The following MARCHF1 variants were observed in gnomAD, a reference collection of about 807,000 sequenced individuals.
MARCHF1 encodes the protein membrane associated ring-CH-type finger 1, also known as E3 ubiquitin-protein ligase MARCHF1.
MARCHF1 carries 40 observed loss-of-function variants against 54.2 expected under a neutral mutation model. The observed-to-expected ratio is 0.74, with a 90% CI of 0.57 to 0.96. The LOEUF (loss-of-function observed/expected upper bound fraction) is 0.96. Ranked by LOEUF, MARCHF1 falls within the 40% of genes least tolerant of loss-of-function variation. The pLI is 0.00. For missense variants in MARCHF1, 586 were observed against 656.5 expected (o/e 0.89, Z 1.17); for synonymous variants, 236 against 236.3 (o/e 1.00, Z 0.01).
At chr4:163,811,210 T>C (rs1201372656) in intron 4 of MARCHF1, among the ~76,000 whole-genome samples, 3 of 152,198 alleles carry the variant, frequency 2.0e-5, no homozygotes, top group Non-Finnish European at 4.4e-5. Flanking sequence ...TTATAAACTC[T>C]AATTTGTTCC....
intron 2 of MARCHF1, among the ~76,000 whole-genome samples, chr4:164,078,410 G>A (rs1755023663): frequency 6.6e-6 from 1 of 152,052 alleles, no homozygotes. Context: ...ATAGCATTAG[G>A]AGAAATACCT....
chr4:164,289,109 T>G (rs1457597098), intron 1 of MARCHF1, among the ~76,000 whole-genome samples: 1 of 152,090 alleles, frequency 6.6e-6, no homozygotes, highest in African/African-American at 2.4e-5. Flanking sequence ...CAAATCATCC[T>G]AATAAAGCTG....
intron 5 of MARCHF1, among the ~76,000 whole-genome samples, chr4:163,649,710 AC>A (rs1742897223): frequency 1.4e-5 from 2 of 145,190 alleles, no homozygotes; most frequent in South Asian, 4.4e-4. Flanking sequence ...ACTGACCCCC[AC>A]CCCCACCACC....
chr4:163,800,875 A>G (rs988796775), intron 4 of MARCHF1, among the ~76,000 whole-genome samples: 1 of 152,106 alleles, frequency 6.6e-6, no homozygotes, highest in African/African-American at 2.4e-5. Context: ...TCTAAACTCC[A>G]GAGGACAAGG....
intron 3 of MARCHF1, among the ~76,000 whole-genome samples, chr4:163,980,811 A>C (rs1752747231): frequency 6.6e-6 from 1 of 152,250 alleles, no homozygotes; most frequent in African/African-American, 2.4e-5. Flanking sequence ...AAGGTTTGTA[A>C]AATTTGCAAT....
At chr4:163,859,545 G>C (rs1749865561) in intron 3 of MARCHF1, among the ~76,000 whole-genome samples, 1 of 152,018 alleles carries the variant, frequency 6.6e-6, no homozygotes, top group Non-Finnish European at 1.5e-5. Flanking sequence ...ATTTTTAGTA[G>C]AGACAGGATC....
chr4:163,726,841 A>G (rs757360768), intron 4 of MARCHF1, among the ~76,000 whole-genome samples: 2 of 152,222 alleles, frequency 1.3e-5, no homozygotes, highest in Non-Finnish European at 2.9e-5. Context: ...TCTTAACGAC[A>G]TGAAATGTCA....
chr4:163,752,926 C>A (rs1033856303), intron 4 of MARCHF1, among the ~76,000 whole-genome samples: 2 of 152,084 alleles, frequency 1.3e-5, no homozygotes, highest in African/African-American at 4.8e-5. Flanking sequence ...AACTACTTTG[C>A]AAAATAAATT....
intron 4 of MARCHF1, among the ~76,000 whole-genome samples, chr4:163,764,563 A>C (rs1035180023): frequency 8.5e-5 from 13 of 152,118 alleles, no homozygotes; most frequent in African/African-American, 1.4e-4. Flanking sequence ...CTTTGTGATG[A>C]AAATTATTCA....
At chr4:164,032,415 AT>A (rs1317053071) in intron 2 of MARCHF1, among the ~76,000 whole-genome samples, 1 of 151,972 alleles carries the variant, frequency 6.6e-6, no homozygotes, top group Non-Finnish European at 1.5e-5. Context: ...AGTTATTTTA[AT>A]TGGGATGTTA....
At chr4:163,935,035 T>G (rs550636139) in intron 3 of MARCHF1, among the ~76,000 whole-genome samples, 57 of 152,258 alleles carry the variant, frequency 3.7e-4, no homozygotes, top group African/African-American at 1.4e-3. Context: ...TGAAATTACC[T>G]CAACACAACA....
chr4:164,122,253 A>C (rs1756083828), intron 1 of MARCHF1, among the ~76,000 whole-genome samples: 1 of 152,192 alleles, frequency 6.6e-6, no homozygotes, highest in Non-Finnish European at 1.5e-5. Context: ...TTACTTAGCC[A>C]GATAGTGAGG....
intron 1 of MARCHF1, among the ~76,000 whole-genome samples, chr4:164,381,735 CAA>C (rs1484997285): frequency 2.0e-5 from 3 of 152,110 alleles, no homozygotes; most frequent in Non-Finnish European, 4.4e-5. Context: ...AAGTCTATTT[CAA>C]AAAGAGTTTT....
intron 4 of MARCHF1, among the ~76,000 whole-genome samples, chr4:163,784,431 T>C (rs1304592865): frequency 2.0e-5 from 3 of 152,116 alleles, no homozygotes; most frequent in Non-Finnish European, 4.4e-5. Flanking sequence ...CTGGTGTTCT[T>C]AATAGGCAGA....
At chr4:163,630,607 G>T (rs1172997291) in intron 5 of MARCHF1, among the ~76,000 whole-genome samples, 6 of 152,126 alleles carry the variant, frequency 3.9e-5, no homozygotes, top group Non-Finnish European at 8.8e-5. Flanking sequence ...AAATAAATTT[G>T]ATAAGAATAA....
chr4:164,195,232 T>A (rs1238163362), intron 1 of MARCHF1, among the ~76,000 whole-genome samples: 1 of 151,906 alleles, frequency 6.6e-6, no homozygotes, highest in Non-Finnish European at 1.5e-5. Context: ...AGAAAATTGT[T>A]TTTTTTCTTG....
chr4:163,926,918 G>C (rs961926881), intron 3 of MARCHF1, among the ~76,000 whole-genome samples: 7 of 151,412 alleles, frequency 4.6e-5, no homozygotes, highest in Non-Finnish European at 8.9e-5. Flanking sequence ...TTCTAGAATA[G>C]AATGCATATG....
chr4:163,968,172 T>A (rs1028700906), intron 3 of MARCHF1, among the ~76,000 whole-genome samples: 2 of 152,172 alleles, frequency 1.3e-5, no homozygotes, highest in Admixed American at 1.3e-4. Context: ...AATTTTTGTA[T>A]CCATCTCCGT....
intron 2 of MARCHF1, among the ~76,000 whole-genome samples, chr4:164,111,063 T>C (rs1755824500): frequency 6.6e-6 from 1 of 151,814 alleles, no homozygotes; most frequent in South Asian, 2.1e-4. Flanking sequence ...TAGAGCAAAA[T>C]AAATGTTATA....
Sources: allele counts gnomAD v4.1 joint callset (sites outside exome capture counted in the v4.1 genomes callset), GRCh38; gene constraint gnomAD v4.1.1; transcripts MANE v1.5; gene names NCBI Gene and HGNC (gene_info 2026-07-23, HGNC 2026-07-21).